IMPA2: variants seen among roughly 807,000 people sequenced by gnomAD.
IMPA2 encodes the protein inositol monophosphatase 2.
A neutral mutation model predicts 35.1 loss-of-function variants in IMPA2; 32 were observed. That is an observed-to-expected ratio of 0.91 (90% CI 0.69 to 1.23). The LOEUF (loss-of-function observed/expected upper bound fraction) is 1.23. Ranked by LOEUF, IMPA2 falls within the 50% of genes most tolerant of loss-of-function variation. The probability of loss-of-function intolerance (pLI) is 0.00; values close to 1 mark genes in which losing one functional copy is unlikely to be tolerated. For missense variants in IMPA2, 334 were observed against 387.6 expected (o/e 0.86, Z 1.16); for synonymous variants, 135 against 160.6 (o/e 0.84, Z 1.20).
chr18:11,995,096 G>A (rs1164324760), intron 1 of IMPA2, among the ~76,000 whole-genome samples: 5 of 152,230 alleles, frequency 3.3e-5, no homozygotes, highest in African/African-American at 1.2e-4. Flanking sequence ...CGCAGCTGCT[G>A]AGTGGATGGT....
chr18:12,014,292 A>G lies in IMPA2; in HGVS notation c.409A>G (p.Thr137Ala), dbSNP rs1907514456. The G allele has an allele frequency of 6.2e-7, 1 of 1,613,900 alleles. No individual in the cohort carries two copies. The highest frequency in any genetic ancestry group is 8.5e-7 in the Non-Finnish European group (1 of 1,179,960). The change falls in exon 5 of 8, where the codon ACA becomes GCA. Residue 137 changes from threonine to alanine, a missense_variant. By Grantham distance (58) the Thr-to-Ala change is moderately conservative. Transcript: ENST00000269159. ...ELEFGVIYHC[T>A]EERLYTGRRG... is the part of the protein sequence containing the mutation. ...TGAATTCGGAGTGATTTACCACTGCACAGAGGAGCGGCTGTACACGGGCCG... is the reference window on the plus strand; with the variant it reads ...TGAATTCGGAGTGATTTACCACTGCGCAGAGGAGCGGCTGTACACGGGCCG...
At chr18:12,009,295 A>T (rs1225778918) in intron 2 of IMPA2, among the ~76,000 whole-genome samples, 3 of 151,980 alleles carry the variant, frequency 2.0e-5, no homozygotes, top group Non-Finnish European at 4.4e-5. Flanking sequence ...ACAACAAAAA[A>T]ACCAGGGAAG....
chr18:11,987,927 G>C (rs1374033496), intron 1 of IMPA2, among the ~76,000 whole-genome samples: 1 of 151,452 alleles, frequency 6.6e-6, no homozygotes, highest in East Asian at 1.9e-4. Flanking sequence ...TGATGGGCTT[G>C]AGTTGGTATT....
chr18:11,983,007 G>A (rs1906551115), intron 1 of IMPA2, among the ~76,000 whole-genome samples: 6 of 152,058 alleles, frequency 3.9e-5, no homozygotes, highest in Admixed American at 3.9e-4. Context: ...CTTTACCTTG[G>A]TGCAAATCCT....
chr18:11,987,540 A>G (rs968782304), intron 1 of IMPA2, among the ~76,000 whole-genome samples: 1 of 152,280 alleles, frequency 6.6e-6, no homozygotes, highest in Admixed American at 6.5e-5. Context: ...CATATTGGCC[A>G]GGCTGATCTA....
At position 11,999,173 on chromosome 18, in the gene IMPA2, G is replaced by A; in HGVS notation, c.216G>A (p.Arg72=). 1.2e-6 allele frequency: 2 copies of A among 1,613,666 alleles called. No individual in the cohort carries two copies. Among genetic ancestry groups the A allele is most frequent in the Non-Finnish European group, 1.7e-6 (2 of 1,179,812 alleles). The change falls in exon 2 of 8, where the codon AGG becomes AGA. Residue 72 remains arginine (R), a synonymous_variant. Coordinates refer to ENST00000269159, the MANE Select transcript of IMPA2 (RefSeq NM_014214.3). ...EDLIISELRE[R]FPSHRFIAEE... Reference sequence around the variant, plus strand: ...TAATTATTTCTGAGTTGCGAGAGAGGTTTCCTTCACACAGGTAGGTGTACT... The same window carrying A: ...TAATTATTTCTGAGTTGCGAGAGAGATTTCCTTCACACAGGTAGGTGTACT...
intron 5 of IMPA2, among the ~76,000 whole-genome samples, chr18:12,019,988 G>C (rs1031919499): frequency 6.6e-6 from 1 of 152,114 alleles, no homozygotes; most frequent in Non-Finnish European, 1.5e-5. Flanking sequence ...CAATTCTCCT[G>C]CCTCAGTCTC....
At chr18:12,017,227 T>C (rs989940657) in intron 5 of IMPA2, among the ~76,000 whole-genome samples, 7 of 152,206 alleles carry the variant, frequency 4.6e-5, no homozygotes, top group African/African-American at 1.7e-4. Context: ...AGCAAAATGA[T>C]GCCCCATGAC....
intron 2 of IMPA2, among the ~76,000 whole-genome samples, chr18:12,004,668 G>C (rs1008116576): frequency 6.6e-6 from 1 of 152,042 alleles, no homozygotes; most frequent in Non-Finnish European, 1.5e-5. Flanking sequence ...GGGATTACAG[G>C]CATGCACCAC....
At chr18:11,983,802 C>G (rs1222033952) in intron 1 of IMPA2, among the ~76,000 whole-genome samples, 1 of 152,014 alleles carries the variant, frequency 6.6e-6, no homozygotes, top group African/African-American at 2.4e-5. Flanking sequence ...AGAAGCCACA[C>G]GAGGTCATCG....
chr18:12,023,955 T>C (rs1408578157), intron 5 of IMPA2, among the ~76,000 whole-genome samples: 1 of 152,188 alleles, frequency 6.6e-6, no homozygotes, highest in Non-Finnish European at 1.5e-5. Context: ...AAACCTAAAA[T>C]ATGCACACCG....
At chr18:12,007,628 C>CTCT (rs1907296394) in intron 2 of IMPA2, among the ~76,000 whole-genome samples, 3 of 116,788 alleles carry the variant, frequency 2.6e-5, no homozygotes, top group Admixed American at 9.5e-5. Context: ...CTTTTTCTTT[C>CTCT]TTCTTTCTTT....
Position 12,016,171 on chromosome 18 carries a change from ATTC to A in IMPA2, c.490+1803_490+1805del, listed in dbSNP as rs552623869. ...CTGAGGCTTCTCTCATTTGTCTGGTATTCTTCTGTTCCCTACAGTACCTGTCTC... is the reference window on the plus strand; with the variant it reads ...CTGAGGCTTCTCTCATTTGTCTGGTATTCTGTTCCCTACAGTACCTGTCTC... On this transcript the variant is annotated intron_variant, in intron 5 of 7. Coordinates refer to ENST00000269159, the MANE Select transcript of IMPA2 (RefSeq NM_014214.3). Among the ~76,000 whole-genome samples, 62 of 152,336 alleles carry A rather than the reference ATTC, an allele frequency of 4.1e-4. 3 individuals carry two copies. In the East Asian group the frequency reaches 0.012, roughly 29 times the overall value.
intron 2 of IMPA2, among the ~76,000 whole-genome samples, chr18:12,003,118 C>T (rs1043982054): frequency 6.6e-5 from 10 of 151,896 alleles, no homozygotes; most frequent in African/African-American, 2.4e-4. Context: ...TCGCTTGAAC[C>T]TGGGAGGTGG....
At chr18:12,011,491 A>G (rs1388636432) in intron 3 of IMPA2, among the ~76,000 whole-genome samples, 1 of 152,242 alleles carries the variant, frequency 6.6e-6, no homozygotes, top group Non-Finnish European at 1.5e-5. Flanking sequence ...ACACCCTGGC[A>G]GTCAGAGTTG....
At chr18:11,988,378 CCAA>C (rs1219746779) in intron 1 of IMPA2, among the ~76,000 whole-genome samples, 1 of 152,118 alleles carries the variant, frequency 6.6e-6, no homozygotes, top group Non-Finnish European at 1.5e-5. Context: ...ATTTATTCAT[CCAA>C]CAAAGAATCA....
At chr18:11,996,288 T>A (rs893573452) in intron 1 of IMPA2, among the ~76,000 whole-genome samples, 1 of 152,154 alleles carries the variant, frequency 6.6e-6, no homozygotes, top group Admixed American at 6.5e-5. Context: ...GATTTGGAGT[T>A]TCCCAAGGGC....
intron 1 of IMPA2, among the ~76,000 whole-genome samples, chr18:11,985,280 A>T (rs1200311119): frequency 1.3e-5 from 2 of 152,194 alleles, no homozygotes; most frequent in Non-Finnish European, 2.9e-5. Flanking sequence ...ATATCACGAA[A>T]TACACAAAAA....
chr18:11,981,559 T>C lies in IMPA2; in HGVS notation c.-111T>C, dbSNP rs1231546284. 2.9e-6 allele frequency: 2 copies of C among 678,538 alleles called. No homozygotes were observed. The highest frequency in any genetic ancestry group is 1.9e-5 in the African/African-American group (1 of 53,042). The allele number at this position is 678,538 out of a possible 1,614,324, so 42.0% of individuals were successfully genotyped here. ...ACGGGCGGCGGACTAGGCACAGAGCTGCGGGAGCAGGCACAGGGAGTGTGG... is the reference window on the plus strand; with the variant it reads ...ACGGGCGGCGGACTAGGCACAGAGCCGCGGGAGCAGGCACAGGGAGTGTGG... On this transcript the variant is annotated 5_prime_UTR_variant, in exon 1 of 8. Transcript: ENST00000269159.
Sources: gnomAD v4.1 joint callset for allele counts (sites outside exome capture counted in the v4.1 genomes callset) on GRCh38, gnomAD v4.1.1 for gene constraint, MANE v1.5 for transcripts, NCBI Gene and HGNC (gene_info 2026-07-23, HGNC 2026-07-21) for gene names.